CCDC85A: variants seen among roughly 807,000 people sequenced by gnomAD.
CCDC85A encodes coiled-coil domain containing 85A.
A neutral mutation model predicts 50.2 loss-of-function variants in CCDC85A; 38 were observed. The ratio of observed to expected loss-of-function variants is 0.76; its 90% CI spans 0.58 to 0.99. CCDC85A has a LOEUF of 0.99. Among genes scored for constraint, CCDC85A ranks in the 50% least tolerant of loss-of-function variants. CCDC85A has a pLI of 0.00. For missense variants in CCDC85A, 820 were observed against 742.0 expected (o/e 1.11, Z -1.22); for synonymous variants, 366 against 301.4 (o/e 1.21, Z -2.22).
At position 56,332,467 on chromosome 2, in the gene CCDC85A, G is replaced by C. The variant is rs1673854921; in HGVS notation, c.1241-10412G>C. On this transcript the variant is annotated intron_variant, in intron 2 of 5. Transcript: ENST00000407595. ...GGATCTTTCAAGACTCTTTTATAAA[G>C]GTGTTAATCCTATTCTCTCATGAGT... 2.6e-5 allele frequency among the ~76,000 whole-genome samples: 4 copies of C among 152,138 alleles called. 1 individual carries two copies. In the South Asian group the frequency reaches 8.3e-4, roughly 32 times the overall value.
At chr2:56,343,273 C>T (rs1229343113) in intron 3 of CCDC85A, among the ~76,000 whole-genome samples, 1 of 152,132 alleles carries the variant, frequency 6.6e-6, no homozygotes, top group Non-Finnish European at 1.5e-5. Flanking sequence ...ATACACCATG[C>T]ATGTGGTTGG....
chr2:56,226,803 T>A (rs934469266), intron 2 of CCDC85A, among the ~76,000 whole-genome samples: 7 of 152,024 alleles, frequency 4.6e-5, no homozygotes, highest in Admixed American at 3.3e-4. Context: ...TCTCTTACAT[T>A]TCTGCCACAG....
chr2:56,297,195 T>A (rs1671990370), intron 2 of CCDC85A, among the ~76,000 whole-genome samples: 1 of 152,124 alleles, frequency 6.6e-6, no homozygotes, highest in East Asian at 1.9e-4. Context: ...GGCACTAAAA[T>A]GATTAGAGGA....
intron 2 of CCDC85A, among the ~76,000 whole-genome samples, chr2:56,268,964 T>C (rs1275493521): frequency 6.6e-6 from 1 of 152,178 alleles, no homozygotes; most frequent in Non-Finnish European, 1.5e-5. Context: ...ATTTGGAAAA[T>C]TATCAAGTTT....
chr2:56,235,359 G>A (rs1414790138), intron 2 of CCDC85A: 1 of 152,124 alleles, frequency 6.6e-6, no homozygotes, highest in East Asian at 1.9e-4. Context: ...TACACTTCCT[G>A]TAGAACCAAC....
At chr2:56,256,000 G>A (rs1191923195) in intron 2 of CCDC85A, among the ~76,000 whole-genome samples, 2 of 152,050 alleles carry the variant, frequency 1.3e-5, no homozygotes, top group Non-Finnish European at 2.9e-5. Context: ...CTTGATAGGA[G>A]AGATGAACAG....
At chr2:56,238,802 T>C (rs1356110006) in intron 2 of CCDC85A, among the ~76,000 whole-genome samples, 1 of 152,122 alleles carries the variant, frequency 6.6e-6, no homozygotes, top group East Asian at 1.9e-4. Flanking sequence ...ATAAAACCAG[T>C]CTTATGTATG....
intron 2 of CCDC85A, among the ~76,000 whole-genome samples, chr2:56,321,775 A>G (rs1176088398): frequency 6.6e-6 from 1 of 152,206 alleles, no homozygotes; most frequent in African/African-American, 2.4e-5. Context: ...CTTTCTTCAC[A>G]GAATAGGATA....
chr2:56,383,756 C>T lies in CCDC85A; in HGVS notation c.1573-510C>T, dbSNP rs28723570. On this transcript the variant is annotated intron_variant, in intron 5 of 5. Coordinates refer to ENST00000407595, the MANE Select transcript of CCDC85A (RefSeq NM_001080433.2). The stretch of plus-strand genomic sequence containing the variant: ...TTAAATAGCTCAATAACAAAAGCTC[C>T]TTCATTTTCCTCAGCACATTAAACA... 9.0e-3 allele frequency: 8,824 copies of T among 984,694 alleles called. 533 individuals carry two copies. In the African/African-American group the frequency reaches 0.14, roughly 15 times the overall value. The allele number at this position is 984,694 out of a possible 1,614,324, so 61.0% of individuals were successfully genotyped here.
chr2:56,347,927 A>G (rs1674711064), intron 3 of CCDC85A, among the ~76,000 whole-genome samples: 1 of 152,244 alleles, frequency 6.6e-6, no homozygotes. Flanking sequence ...CTATTCAACT[A>G]GAAAATATCT....
chr2:56,246,533 G>A (rs1402677039), intron 2 of CCDC85A, among the ~76,000 whole-genome samples: 1 of 152,010 alleles, frequency 6.6e-6, no homozygotes, highest in Non-Finnish European at 1.5e-5. Context: ...TCCATTTTGA[G>A]TTAACTTTTG....
At chr2:56,191,252 A>C (rs1676282952) in intron 1 of CCDC85A, among the ~76,000 whole-genome samples, 1 of 151,982 alleles carries the variant, frequency 6.6e-6, no homozygotes, top group African/African-American at 2.4e-5. Flanking sequence ...TTCTCACTGC[A>C]TGACGTTATG....
chr2:56,370,043 G>T (rs2104387524), intron 3 of CCDC85A, among the ~76,000 whole-genome samples: 1 of 152,122 alleles, frequency 6.6e-6, no homozygotes, highest in South Asian at 2.1e-4. Context: ...GGGTCATTCA[G>T]GGATTCTTTT....
At chr2:56,320,919 G>A (rs1289927233) in intron 2 of CCDC85A, among the ~76,000 whole-genome samples, 1 of 152,128 alleles carries the variant, frequency 6.6e-6, no homozygotes, top group Admixed American at 6.6e-5. Context: ...GAATCCAGCA[G>A]CACATCAAAA....
intron 2 of CCDC85A, among the ~76,000 whole-genome samples, chr2:56,281,834 A>G (rs907568868): frequency 6.6e-6 from 1 of 152,174 alleles, no homozygotes; most frequent in African/African-American, 2.4e-5. Flanking sequence ...TTTGTCAGAT[A>G]TATGTAAATA....
chr2:56,218,907 A>G (rs536689727), intron 2 of CCDC85A, among the ~76,000 whole-genome samples: 1 of 151,936 alleles, frequency 6.6e-6, no homozygotes, highest in South Asian at 2.1e-4. Context: ...GACATAAAAT[A>G]TATTACTGAA....
chr2:56,208,069 A>G (rs1677025600), intron 2 of CCDC85A, among the ~76,000 whole-genome samples: 1 of 152,148 alleles, frequency 6.6e-6, no homozygotes, highest in Non-Finnish European at 1.5e-5. Context: ...GAGTTCTTAT[A>G]AAAATATGTT....
chr2:56,381,831 G>A (rs925927255), intron 5 of CCDC85A, among the ~76,000 whole-genome samples: 12 of 151,980 alleles, frequency 7.9e-5, no homozygotes, highest in African/African-American at 2.9e-4. Context: ...TTACTGGATT[G>A]GATTTTGATT....
intron 2 of CCDC85A, among the ~76,000 whole-genome samples, chr2:56,339,588 C>T (rs1389972183): frequency 2.6e-5 from 4 of 152,164 alleles, no homozygotes; most frequent in Non-Finnish European, 5.9e-5. Flanking sequence ...GTAGTCTTTT[C>T]AGCTGCTTTA....
Sources: gnomAD v4.1 joint callset for allele counts (sites outside exome capture counted in the v4.1 genomes callset) on GRCh38, gnomAD v4.1.1 for gene constraint, MANE v1.5 for transcripts, NCBI Gene and HGNC (gene_info 2026-07-23, HGNC 2026-07-21) for gene names.